Variants in ZPBP observed in about 807,000 individuals in gnomAD.
ZPBP encodes zona pellucida binding protein, also known as zona pellucida-binding protein 1.
Under a neutral mutation model 44.8 loss-of-function variants are expected in ZPBP, and 26 were observed. The ratio of observed to expected loss-of-function variants is 0.58; its 90% CI spans 0.43 to 0.81. The LOEUF (loss-of-function observed/expected upper bound fraction) is 0.81. Ranked by LOEUF, ZPBP falls within the 30% of genes least tolerant of loss-of-function variation. The pLI, the probability that ZPBP is intolerant of heterozygous loss-of-function variation, is 0.00. For missense variants in ZPBP, 409 were observed against 434.0 expected (o/e 0.94, Z 0.51); for synonymous variants, 174 against 153.2 (o/e 1.14, Z -1.00).
intron 5 of ZPBP, among the ~76,000 whole-genome samples, chr7:50,026,184 G>A (rs1469241443): frequency 6.6e-6 from 1 of 151,730 alleles, no homozygotes; most frequent in Non-Finnish European, 1.5e-5. Context: ...GTCAAAAATT[G>A]TTACAAGATG....
At chr7:49,879,530 A>G (rs1048597183) in intron 2 of ZPBP, among the ~76,000 whole-genome samples, 7 of 152,150 alleles carry the variant, frequency 4.6e-5, no homozygotes, top group Non-Finnish European at 1.0e-4. Flanking sequence ...GTTGAGCGTT[A>G]GTCCATGGTA....
intron 7 of ZPBP, among the ~76,000 whole-genome samples, chr7:49,960,654 A>G (rs924628456): frequency 9.2e-5 from 14 of 152,208 alleles, no homozygotes; most frequent in African/African-American, 3.4e-4. Flanking sequence ...GTCAATAATT[A>G]TAAGATAAAC....
At chr7:50,002,024 G>T (rs1798122628) in intron 6 of ZPBP, among the ~76,000 whole-genome samples, 1 of 152,080 alleles carries the variant, frequency 6.6e-6, no homozygotes, top group Non-Finnish European at 1.5e-5. Context: ...ACCACACCTG[G>T]CTAATTTTTA....
chr7:50,005,035 T>C (rs914208765), intron 6 of ZPBP, among the ~76,000 whole-genome samples: 12 of 24,966 alleles, frequency 4.8e-4, no homozygotes, highest in African/African-American at 2.3e-3. Flanking sequence ...ACTGAATCAT[T>C]TTAAAAAAAA....
chr7:49,872,465 A>C (rs191230251), intron 2 of ZPBP, among the ~76,000 whole-genome samples: 2 of 152,288 alleles, frequency 1.3e-5, no homozygotes, highest in Non-Finnish European at 2.9e-5. Flanking sequence ...TAAAACTCTA[A>C]GTGTAGGGAA....
chr7:49,883,204 G>C (rs140342986), intron 2 of ZPBP, among the ~76,000 whole-genome samples: 1 of 151,994 alleles, frequency 6.6e-6, no homozygotes. Flanking sequence ...CAATGAAGTC[G>C]ACTGACCCGA....
In ZPBP at chr7:49,900,689, C is replaced by T. The variant is rs903397300; in HGVS notation, n.509+429G>A. Reference sequence around the variant, plus strand: ...AACATCCTTCCAAAACAGGAAGCACCGTGGACCCAGATAGGATCACTGGTG... The same window carrying T: ...AACATCCTTCCAAAACAGGAAGCACTGTGGACCCAGATAGGATCACTGGTG... On this transcript the variant is annotated intron_variant and non_coding_transcript_variant, in intron 2 of 2. Transcript: ENST00000465922. Among the ~76,000 whole-genome samples, 5 of 151,786 alleles carry T rather than the reference C, an allele frequency of 3.3e-5. No homozygotes were observed. In the East Asian group the frequency reaches 7.7e-4, roughly 23 times the overall value.
intron 4 of ZPBP, among the ~76,000 whole-genome samples, chr7:50,037,584 C>T (rs1799879251): frequency 6.6e-6 from 1 of 152,128 alleles, no homozygotes; most frequent in South Asian, 2.1e-4. Context: ...TTTCAGACAA[C>T]CAGATCTCAT....
chr7:50,068,512 T>C (rs1801650838), intron 3 of ZPBP, among the ~76,000 whole-genome samples: 1 of 152,086 alleles, frequency 6.6e-6, no homozygotes, highest in East Asian at 1.9e-4. Flanking sequence ...TTAATCTTTC[T>C]CTAGCCTCAG....
At chr7:50,016,677 C>T (rs1466137793) in intron 6 of ZPBP, among the ~76,000 whole-genome samples, 1 of 152,144 alleles carries the variant, frequency 6.6e-6, no homozygotes, top group Non-Finnish European at 1.5e-5. Context: ...CTTTAACACA[C>T]ATTCCAACCC....
chr7:49,926,876 G>C (rs898647116), intron 1 of ZPBP, among the ~76,000 whole-genome samples: 1 of 152,326 alleles, frequency 6.6e-6, no homozygotes, highest in African/African-American at 2.4e-5. Flanking sequence ...GCAGAGGAGC[G>C]GCCCTCCAGC....
chr7:49,850,411 C>T (rs1790129534), downstream of ZPBP: 1 of 152,238 alleles, frequency 6.6e-6, no homozygotes, highest in African/African-American at 2.4e-5. Flanking sequence ...GTGTAAGAGG[C>T]CTCCTGTCTT....
intron 6 of ZPBP, among the ~76,000 whole-genome samples, chr7:49,992,575 A>G (rs1331865083): frequency 6.6e-6 from 1 of 152,120 alleles, no homozygotes; most frequent in African/African-American, 2.4e-5. Flanking sequence ...AGAAAAAAAT[A>G]TTACAATAGT....
intron 4 of ZPBP, among the ~76,000 whole-genome samples, chr7:50,032,605 TGCA>T (rs1182249895): frequency 6.6e-6 from 1 of 152,242 alleles, no homozygotes; most frequent in East Asian, 1.9e-4. Context: ...GGAGGCTGCT[TGCA>T]GGATTAGCCC....
chr7:49,908,002 T>C (rs1358474521), intron 1 of ZPBP, among the ~76,000 whole-genome samples: 1 of 152,182 alleles, frequency 6.6e-6, no homozygotes, highest in Non-Finnish European at 1.5e-5. Context: ...GGGGATTGTC[T>C]ACGGAATGCA....
At chr7:49,884,658 C>G (rs1583751936) in intron 2 of ZPBP, among the ~76,000 whole-genome samples, 1 of 152,138 alleles carries the variant, frequency 6.6e-6, no homozygotes, top group East Asian at 1.9e-4. Context: ...GAGCTGGTTT[C>G]CTCAGGAGAG....
chr7:49,841,805 A>C, the ZPBP span, among the ~76,000 whole-genome samples: 1 of 152,222 alleles, frequency 6.6e-6, no homozygotes, highest in East Asian at 1.9e-4. Context: ...AATCATGACC[A>C]AAGCAATTGT....
At chr7:50,037,913 C>T (rs1214567411) in intron 4 of ZPBP, among the ~76,000 whole-genome samples, 1 of 152,142 alleles carries the variant, frequency 6.6e-6, no homozygotes, top group Non-Finnish European at 1.5e-5. Context: ...ATCCTAGCCC[C>T]AGCTCCGTGT....
intron 6 of ZPBP, among the ~76,000 whole-genome samples, chr7:49,997,391 C>T (rs1797894745): frequency 6.6e-6 from 1 of 152,142 alleles, no homozygotes; most frequent in Admixed American, 6.5e-5. Flanking sequence ...CATCTAATAC[C>T]CCATAGCTCT....
Sources: gnomAD v4.1 joint callset for allele counts (sites outside exome capture counted in the v4.1 genomes callset) on GRCh38, gnomAD v4.1.1 for gene constraint, MANE v1.5 for transcripts, NCBI Gene and HGNC (gene_info 2026-07-23, HGNC 2026-07-21) for gene names.